Variants in FNDC3A observed in about 807,000 individuals in gnomAD.
FNDC3A encodes the protein fibronectin type III domain containing 3A, also known as fibronectin type-III domain-containing protein 3A.
FNDC3A carries 32 observed loss-of-function variants against 148.9 expected under a neutral mutation model. The ratio of observed to expected loss-of-function variants is 0.21; its 90% CI spans 0.16 to 0.29. The LOEUF (loss-of-function observed/expected upper bound fraction) is 0.29, where lower values mean the gene tolerates loss of function less well. FNDC3A is among the 10% of genes least tolerant of loss of function. FNDC3A has a pLI of 1.00. For missense variants in FNDC3A, 1,191 were observed against 1,452.8 expected (o/e 0.82, Z 2.93); for synonymous variants, 472 against 473.6 (o/e 1.00, Z 0.04).
chr13:49,122,753 T>C (rs1881438742), intron 4 of FNDC3A, among the ~76,000 whole-genome samples: 1 of 152,088 alleles, frequency 6.6e-6, no homozygotes, highest in Non-Finnish European at 1.5e-5. Flanking sequence ...TCAAAATTGC[T>C]ACAAAGAGAA....
intron 2 of FNDC3A, among the ~76,000 whole-genome samples, chr13:49,069,192 AAAGT>A (rs1414674847): frequency 6.6e-6 from 1 of 152,226 alleles, no homozygotes; most frequent in Non-Finnish European, 1.5e-5. Flanking sequence ...AAAAAACAAA[AAAGT>A]AAGCCTAAGG....
chr13:49,063,322 CTAAAT>C (rs1156527648), intron 2 of FNDC3A, among the ~76,000 whole-genome samples: 2 of 151,946 alleles, frequency 1.3e-5, no homozygotes, highest in African/African-American at 4.8e-5. Context: ...GAAAGAAACT[CTAAAT>C]ATACTAAAAA....
intron 2 of FNDC3A, among the ~76,000 whole-genome samples, chr13:49,055,010 A>G (rs1171834163): frequency 6.6e-6 from 1 of 152,072 alleles, no homozygotes; most frequent in Non-Finnish European, 1.5e-5. Flanking sequence ...GTTTAGAAAT[A>G]TGATTAATTT....
At chr13:49,081,379 A>C (rs1196788392) in intron 3 of FNDC3A, among the ~76,000 whole-genome samples, 1 of 152,206 alleles carries the variant, frequency 6.6e-6, no homozygotes, top group Admixed American at 6.5e-5. Context: ...ACAAGCAAAA[A>C]TATTGATGAT....
chr13:49,021,376 G>A (rs1873315121), intron 2 of FNDC3A, among the ~76,000 whole-genome samples: 1 of 152,198 alleles, frequency 6.6e-6, no homozygotes, highest in Non-Finnish European at 1.5e-5. Context: ...TGCAATAAGG[G>A]AGCTCTGAGT....
chr13:49,125,858 A>AG (rs1181722591), intron 4 of FNDC3A, among the ~76,000 whole-genome samples: 1 of 152,120 alleles, frequency 6.6e-6, no homozygotes, highest in Non-Finnish European at 1.5e-5. Context: ...CAATAAAGGA[A>AG]GAAAAAAAAA....
Position 49,196,860 on chromosome 13 carries a change from T to TA in FNDC3A, c.2227-16dup, listed in dbSNP as rs763827734. 1.8e-4 allele frequency: 251 copies of TA among 1,415,246 alleles called. No individual in the cohort carries two copies. Among genetic ancestry groups the TA allele is most frequent in the Non-Finnish European group, 2.4e-4 (242 of 1,009,220 alleles). 87.7% of individuals were successfully genotyped at this position (1,415,246 alleles called of 1,614,324 possible). A position where few individuals can be genotyped will look rare whatever the true frequency, so the allele number is the denominator to read the frequency against. ...AAGGGTGAAAAATAAAAACACTAGT[T>TA]ACATTTGTTTTTCTAGTTTGGACCA... On this transcript the variant is annotated splice_polypyrimidine_tract_variant and intron_variant, in intron 19 of 25. Transcript: ENST00000492622.
chr13:49,083,245 A>G (rs1878595458), intron 3 of FNDC3A, among the ~76,000 whole-genome samples: 2 of 152,202 alleles, frequency 1.3e-5, no homozygotes, highest in African/African-American at 2.4e-5. Context: ...ATCTCACACC[A>G]AGGAGACTCC....
intron 3 of FNDC3A, among the ~76,000 whole-genome samples, chr13:49,090,929 G>C (rs117820899): frequency 0.012 from 1,896 of 152,170 alleles, 14 homozygotes; most frequent in Non-Finnish European, 0.02. Context: ...AGGAGTTCAA[G>C]GTTGCAGTGA....
chr13:48,986,395 T>TG (rs1391046545), intron 1 of FNDC3A, among the ~76,000 whole-genome samples: 3 of 114,784 alleles, frequency 2.6e-5, no homozygotes, highest in African/African-American at 6.6e-5. Context: ...GTTTTTTTTT[T>TG]TTTTTTTTTT....
intron 14 of FNDC3A, among the ~76,000 whole-genome samples, chr13:49,180,335 T>C (rs796174208): frequency 7.9e-5 from 12 of 152,340 alleles, no homozygotes; most frequent in Admixed American, 2.0e-4. Context: ...TATTACTTCT[T>C]GAGAATCTTA....
chr13:49,013,662 A>ACG (rs1952421208), intron 2 of FNDC3A, among the ~76,000 whole-genome samples: 2 of 151,012 alleles, frequency 1.3e-5, no homozygotes, highest in African/African-American at 4.9e-5. Context: ...ACATGTATAC[A>ACG]TGTACATATG....
At position 49,175,440 on chromosome 13, in the gene FNDC3A, A is replaced by G; in HGVS notation, c.1429A>G (p.Lys477Glu). The change falls in exon 13 of 26, where the codon AAG becomes GAG. Residue 477 changes from lysine (K) to glutamate (E), a missense_variant. This residue lies in a region of FNDC3A where 751 missense variants were observed against 944.0 expected (regional missense o/e 0.80). Coordinates refer to ENST00000492622, the MANE Select transcript of FNDC3A (RefSeq NM_001079673.2). The part of the protein sequence containing the change: ...PSMPASPVLT[K>E]AGITWLSLQW... ...TATGCCAGCAAGTCCTGTATTAACC[A>G]AGGCTGGAATTACTTGGTTATCCTT... 6.2e-7 allele frequency: 1 copy of G among 1,613,424 alleles called. No individual in the cohort carries two copies. The highest frequency in any genetic ancestry group is 8.5e-7 in the Non-Finnish European group (1 of 1,179,532).
intron 3 of FNDC3A, among the ~76,000 whole-genome samples, chr13:49,090,961 T>C (rs1879154295): frequency 6.6e-6 from 1 of 152,198 alleles, no homozygotes; most frequent in African/African-American, 2.4e-5. Flanking sequence ...GCTGTTGCAC[T>C]CCAGCCTGGG....
At chr13:49,103,294 A>C (rs553235848) in intron 3 of FNDC3A, among the ~76,000 whole-genome samples, 1 of 152,334 alleles carries the variant, frequency 6.6e-6, no homozygotes, top group East Asian at 1.9e-4. Flanking sequence ...TGAATGATAA[A>C]ATAGCAAAAT....
chr13:49,026,890 A>C (rs1873752639), intron 2 of FNDC3A, among the ~76,000 whole-genome samples: 1 of 152,216 alleles, frequency 6.6e-6, no homozygotes, highest in Non-Finnish European at 1.5e-5. Context: ...GGTTAACTAT[A>C]TAGTTAAATG....
chr13:49,039,982 G>A (rs1338769965), intron 2 of FNDC3A, among the ~76,000 whole-genome samples: 2 of 152,184 alleles, frequency 1.3e-5, no homozygotes, highest in African/African-American at 4.8e-5. Context: ...CCAAAGTACT[G>A]GGATTACAGG....
At chr13:49,139,715 A>G (rs192833034) in intron 7 of FNDC3A, among the ~76,000 whole-genome samples, 163 of 152,320 alleles carry the variant, frequency 1.1e-3, no homozygotes, top group African/African-American at 3.8e-3. Context: ...AAATTTACAC[A>G]ATTATTTCAT....
At chr13:49,165,322 A>G (rs1218229325) in intron 8 of FNDC3A, among the ~76,000 whole-genome samples, 1 of 152,096 alleles carries the variant, frequency 6.6e-6, no homozygotes, top group Non-Finnish European at 1.5e-5. Context: ...GGTTGCTTTC[A>G]TAGGGGAGGA....
Sources: gnomAD v4.1 joint callset for allele counts (sites outside exome capture counted in the v4.1 genomes callset) on GRCh38, gnomAD v4.1.1 for gene constraint, gnomAD v4.1.1 regional missense constraint, MANE v1.5 for transcripts, NCBI Gene and HGNC (gene_info 2026-07-23, HGNC 2026-07-21) for gene names.